The following ANKS1A variants were observed in gnomAD, a reference collection of about 807,000 sequenced individuals.
The protein encoded by ANKS1A is ankyrin repeat and sterile alpha motif domain containing 1A, also known as ankyrin repeat and SAM domain-containing protein 1A.
A neutral mutation model predicts 120.3 loss-of-function variants in ANKS1A; 55 were observed. The ratio of observed to expected loss-of-function variants is 0.46; its 90% CI spans 0.37 to 0.57. ANKS1A has a LOEUF of 0.57. Ranked by LOEUF, ANKS1A falls within the 20% of genes least tolerant of loss-of-function variation. The pLI, the probability that ANKS1A is intolerant of heterozygous loss-of-function variation, is 0.00. For synonymous variants in ANKS1A, 590 were observed against 604.7 expected, an observed-to-expected ratio of 0.98 and a Z score of 0.36; for missense variants, 1,123 against 1,480.3, an observed-to-expected ratio of 0.76 and a Z score of 3.96.
chr6:34,965,551 A>G (rs778053673), intron 1 of ANKS1A, among the ~76,000 whole-genome samples: 39 of 152,020 alleles, frequency 2.6e-4, no homozygotes, highest in African/African-American at 8.9e-4. Flanking sequence ...GAGTTTCCCT[A>G]TGTTGGTCAG....
chr6:35,081,897 C>T (rs1422687157), intron 17 of ANKS1A, among the ~76,000 whole-genome samples: 1 of 152,184 alleles, frequency 6.6e-6, no homozygotes, highest in African/African-American at 2.4e-5. Flanking sequence ...TAGCAGGTGT[C>T]CCTCAGGCCC....
At chr6:34,898,090 G>A (rs997775729) in intron 1 of ANKS1A, among the ~76,000 whole-genome samples, 1 of 152,200 alleles carries the variant, frequency 6.6e-6, no homozygotes, top group Non-Finnish European at 1.5e-5. Context: ...ACATGGCAAG[G>A]GTTTGGTAAC....
chr6:35,070,880 T>G (rs1474061451), intron 13 of ANKS1A: 9 of 637,064 alleles, frequency 1.4e-5, no homozygotes, highest in Non-Finnish European at 2.3e-5. Flanking sequence ...TTTCTTGCAT[T>G]TGAAGGACTC....
At chr6:34,977,829 A>G (rs1272046956) in intron 3 of ANKS1A, among the ~76,000 whole-genome samples, 3 of 152,160 alleles carry the variant, frequency 2.0e-5, no homozygotes, top group Non-Finnish European at 2.9e-5. Context: ...GCAGATAGCT[A>G]TAGGCCAGGT....
intron 11 of ANKS1A, among the ~76,000 whole-genome samples, chr6:35,030,373 TG>T (rs989065488): frequency 6.6e-6 from 1 of 152,184 alleles, no homozygotes; most frequent in Non-Finnish European, 1.5e-5. Context: ...CTCTCTAAGA[TG>T]GGGGGCTGTT....
intron 1 of ANKS1A, among the ~76,000 whole-genome samples, chr6:34,902,274 C>T (rs1396242185): frequency 6.6e-6 from 1 of 151,586 alleles, no homozygotes; most frequent in African/African-American, 2.4e-5. Flanking sequence ...TTTGAGACGG[C>T]GTTTCGCTCT....
chr6:35,088,551 TC>T (rs1254294406), intron 23 of ANKS1A, 54 bp from the exon 24 acceptor site: 4 of 1,606,184 alleles, frequency 2.5e-6, no homozygotes, highest in African/African-American at 1.3e-5. Flanking sequence ...TCCTCCACCG[TC>T]CGCAGGCCCC....
At chr6:35,026,630 G>A (rs1029254958) in intron 11 of ANKS1A, among the ~76,000 whole-genome samples, 1 of 152,154 alleles carries the variant, frequency 6.6e-6, no homozygotes, top group South Asian at 2.1e-4. Flanking sequence ...TGAGGAGGAC[G>A]TGAAGGAGCA....
chr6:34,962,782 C>G (rs1770707113), intron 1 of ANKS1A, among the ~76,000 whole-genome samples: 1 of 151,826 alleles, frequency 6.6e-6, no homozygotes, highest in African/African-American at 2.4e-5. Context: ...GAGCGAGACT[C>G]TGTCTCAAAA....
intron 11 of ANKS1A, 130 bp from the exon 12 acceptor site, chr6:35,053,969 C>A (rs1776085214): frequency 1.4e-6 from 1 of 726,096 alleles, no homozygotes; most frequent in Non-Finnish European, 2.5e-6. Context: ...TGATACCTTG[C>A]AGGCTGGTGC....
intron 10 of ANKS1A, among the ~76,000 whole-genome samples, chr6:34,998,272 T>A (rs1772958137): frequency 6.6e-6 from 1 of 152,172 alleles, no homozygotes; most frequent in African/African-American, 2.4e-5. Context: ...AATTAATTAA[T>A]CAGTTTTCAA....
At chr6:35,066,670 C>T (rs1776792269) in intron 13 of ANKS1A, among the ~76,000 whole-genome samples, 1 of 152,132 alleles carries the variant, frequency 6.6e-6, no homozygotes, top group Non-Finnish European at 1.5e-5. Flanking sequence ...TCAGAAGTCA[C>T]CTGCAGAGGC....
chr6:35,003,997 C>T (rs1010287091), intron 10 of ANKS1A, among the ~76,000 whole-genome samples: 2 of 152,198 alleles, frequency 1.3e-5, no homozygotes, highest in African/African-American at 4.8e-5. Context: ...GTTAAAATTC[C>T]ACCCTTGACC....
chr6:34,964,463 G>C (rs1016233892), intron 1 of ANKS1A, among the ~76,000 whole-genome samples: 3 of 152,102 alleles, frequency 2.0e-5, no homozygotes, highest in Non-Finnish European at 4.4e-5. Flanking sequence ...CATTTGCAGC[G>C]GTGTGTATTA....
chr6:34,981,574 C>T, intron 3 of ANKS1A, 116 bp from the exon 4 acceptor site: 2 of 1,138,296 alleles, frequency 1.8e-6, no homozygotes, highest in Non-Finnish European at 2.5e-6. Flanking sequence ...TATTAGCCCC[C>T]AAGTGTTGCT....
chr6:34,938,039 A>G (rs1283280214), intron 1 of ANKS1A, among the ~76,000 whole-genome samples: 1 of 152,136 alleles, frequency 6.6e-6, no homozygotes, highest in African/African-American at 2.4e-5. Context: ...TAGGGCACCT[A>G]TTGACCTGTT....
intron 1 of ANKS1A, among the ~76,000 whole-genome samples, chr6:34,958,964 ACTGTCCAGCG>A (rs1328995989): frequency 6.6e-6 from 1 of 152,098 alleles, no homozygotes; most frequent in Non-Finnish European, 1.5e-5. Flanking sequence ...AAGGGTGGGG[ACTGTCCAGCG>A]CTGTGGCATC....
chr6:34,982,839 G>A lies in ANKS1A; in HGVS notation c.808+12G>A, dbSNP rs1309439383. 1 of 1,614,110 alleles carries A rather than the reference G, an allele frequency of 6.2e-7. No homozygotes were observed. Among genetic ancestry groups the A allele is most frequent in the Admixed American group, 1.7e-5 (1 of 60,016 alleles). ...CCTGCTGGCTGCAGGTGAGAGGTCG[G>A]CAGCGCTCTTGTCTACACAGCGTGC... On this transcript the variant is annotated intron_variant, in intron 5 of 23. Transcript: ENST00000360359. The surrounding 1 kb of genome is among the most constrained non-coding windows in gnomAD (Gnocchi z 4.9).
chr6:35,015,313 A>G (rs1463848205), intron 10 of ANKS1A, among the ~76,000 whole-genome samples: 2 of 152,190 alleles, frequency 1.3e-5, no homozygotes, highest in Admixed American at 6.5e-5. Flanking sequence ...CCTGGCCAAC[A>G]TGGCAAAACC....
Sources: allele counts gnomAD v4.1 joint callset (sites outside exome capture counted in the v4.1 genomes callset), GRCh38; gene constraint gnomAD v4.1.1; non-coding constraint Gnocchi (gnomAD v3.1); transcripts MANE v1.5; gene names NCBI Gene and HGNC (gene_info 2026-07-23, HGNC 2026-07-21).